OXR1: variants seen among roughly 807,000 people sequenced by gnomAD.
OXR1 encodes oxidation resistance 1.
OXR1 carries 41 observed loss-of-function variants against 104.6 expected under a neutral mutation model. The ratio of observed to expected loss-of-function variants is 0.39; its 90% CI spans 0.31 to 0.51. The LOEUF is 0.51. Ranked by LOEUF, OXR1 falls within the 20% of genes least tolerant of loss-of-function variation. OXR1 has a pLI of 0.77. For missense variants in OXR1, 955 were observed against 1,031.9 expected (o/e 0.93, Z 1.02); for synonymous variants, 348 against 348.4 (o/e 1.00, Z 0.01).
intron 2 of OXR1, among the ~76,000 whole-genome samples, chr8:106,402,519 G>A (rs776592560): frequency 5.3e-5 from 8 of 152,170 alleles, no homozygotes; most frequent in East Asian, 1.9e-4. Flanking sequence ...ACTGTGAGAC[G>A]TCTTTGAACT....
At chr8:106,612,289 T>C (rs1381380627) in intron 3 of OXR1, among the ~76,000 whole-genome samples, 1 of 152,162 alleles carries the variant, frequency 6.6e-6, no homozygotes, top group African/African-American at 2.4e-5. Context: ...TGAAATAGTA[T>C]ATATAAGGCA....
chr8:106,660,315 T>A lies in OXR1; in HGVS notation c.221-18895T>A, dbSNP rs539076482. Among the ~76,000 whole-genome samples, 5 of 152,348 alleles carry A rather than the reference T, an allele frequency of 3.3e-5. No individual in the cohort carries two copies. The East Asian group carries it at 7.7e-4, about 23-fold the overall frequency. On this transcript the variant is annotated intron_variant, in intron 3 of 16. Coordinates refer to ENST00000517566, the MANE Select transcript of OXR1 (RefSeq NM_001198533.2). Reference sequence around the variant, plus strand: ...CAGATGGATTTTGGCTCTAGGGTTGTTCTTTGTGTTTGTGTCCTTTAGAAT... The same window carrying A: ...CAGATGGATTTTGGCTCTAGGGTTGATCTTTGTGTTTGTGTCCTTTAGAAT...
intron 2 of OXR1, among the ~76,000 whole-genome samples, chr8:106,480,671 C>A (rs1822059730): frequency 1.3e-5 from 2 of 151,838 alleles, no homozygotes; most frequent in South Asian, 4.2e-4. Flanking sequence ...AAAATGTGCT[C>A]CAACAATGGG....
At chr8:106,270,496 C>T (rs926851526) in intron 1 of OXR1, 129 bp downstream of exon 1, 9 of 152,566 alleles carry the variant, frequency 5.9e-5, no homozygotes, top group East Asian at 5.8e-4. Flanking sequence ...CCTGGCGCCT[C>T]TCCGAGCCAC....
At chr8:106,646,318 G>A (rs955136993) in intron 3 of OXR1, among the ~76,000 whole-genome samples, 4 of 151,916 alleles carry the variant, frequency 2.6e-5, no homozygotes, top group African/African-American at 7.3e-5. Context: ...TGTTGGCCAG[G>A]CTGGTCTCAA....
At position 106,702,969 on chromosome 8, in the gene OXR1, G is replaced by A; in HGVS notation, c.739G>A (p.Asp247Asn). 1 of 1,613,522 alleles carries A rather than the reference G, an allele frequency of 6.2e-7. No individual in the cohort carries two copies. Among genetic ancestry groups the A allele is most frequent in the Non-Finnish European group, 8.5e-7 (1 of 1,179,594 alleles). ...TATAATGTTTGATCCACATAAAAAT[G>A]ACCCTTTGGTTCAAGAGAATGGCTG... Reference protein sequence around the residue: ...NNIMFDPHKNDPLVQENGCEE... With the variant: ...NNIMFDPHKNNPLVQENGCEE... Residue 247 changes from aspartate (D) to asparagine (N), a missense_variant, in exon 8 of 17, where the codon GAC (aspartate) becomes AAC (asparagine). Asp to Asn is a conservative substitution (Grantham distance 23, BLOSUM62 1). This residue lies in a region of OXR1 where 849 missense variants were observed against 852.9 expected (regional missense o/e 1.00). Transcript: ENST00000517566.
At chr8:106,425,597 C>G (rs922389320) in intron 2 of OXR1, among the ~76,000 whole-genome samples, 1 of 152,140 alleles carries the variant, frequency 6.6e-6, no homozygotes, top group African/African-American at 2.4e-5. Context: ...GACACACCAT[C>G]TGCAGTACCA....
At chr8:106,507,569 T>A (rs1376976005) in intron 2 of OXR1, among the ~76,000 whole-genome samples, 1 of 152,150 alleles carries the variant, frequency 6.6e-6, no homozygotes, top group Non-Finnish European at 1.5e-5. Flanking sequence ...AAGCAGTATT[T>A]TGGAGAGGGT....
At chr8:106,542,896 AATAG>A (rs770743001) in intron 3 of OXR1, among the ~76,000 whole-genome samples, 35 of 152,132 alleles carry the variant, frequency 2.3e-4, no homozygotes, top group Non-Finnish European at 4.6e-4. Flanking sequence ...GCTTTTCATA[AATAG>A]ATAGTTTGTG....
At position 106,519,039 on chromosome 8, in the gene OXR1, G is replaced by T; in HGVS notation, c.120G>T (p.Pro40=). Residue 40 remains proline (P), a synonymous_variant, in exon 3 of 17, where the codon CCG becomes CCT. Transcript: ENST00000517566. ...GKQTPQASKP[P]APKTPIIEEE... ...AAACACCACAAGCCAGTAAGCCCCC[G>T]GCACCCAAGACCCCCATCATTGAAG... 3.2e-6 allele frequency: 5 copies of T among 1,551,818 alleles called. No individual in the cohort carries two copies. Among genetic ancestry groups the T allele is most frequent in the Non-Finnish European group, 4.4e-6 (5 of 1,146,942 alleles).
intron 3 of OXR1, among the ~76,000 whole-genome samples, chr8:106,642,460 CTG>C (rs1332225840): frequency 6.6e-6 from 1 of 152,140 alleles, no homozygotes; most frequent in Non-Finnish European, 1.5e-5. Context: ...TCTCAAGGCT[CTG>C]TCATATTTAA....
chr8:106,403,290 C>T (rs967243117), intron 2 of OXR1, among the ~76,000 whole-genome samples: 5 of 152,228 alleles, frequency 3.3e-5, no homozygotes, highest in Admixed American at 6.5e-5. Flanking sequence ...CAAGACTCAG[C>T]GTATTCTGAT....
intron 2 of OXR1, among the ~76,000 whole-genome samples, chr8:106,368,156 G>A (rs948463639): frequency 1.3e-5 from 2 of 152,074 alleles, no homozygotes; most frequent in African/African-American, 4.8e-5. Flanking sequence ...GACATGATCT[G>A]ATTTCTAAAT....
chr8:106,438,428 A>G (rs770333233), intron 2 of OXR1, among the ~76,000 whole-genome samples: 87 of 152,156 alleles, frequency 5.7e-4, no homozygotes, highest in Non-Finnish European at 1.2e-3. Flanking sequence ...TATACTGACT[A>G]CATGTTGAAA....
At chr8:106,527,367 T>C (rs542912576) in intron 3 of OXR1, among the ~76,000 whole-genome samples, 2 of 152,292 alleles carry the variant, frequency 1.3e-5, no homozygotes, top group South Asian at 2.1e-4. Flanking sequence ...AGTCATCCCC[T>C]GTTTAAAACC....
At chr8:106,530,773 T>G (rs961718147) in intron 3 of OXR1, among the ~76,000 whole-genome samples, 5 of 152,142 alleles carry the variant, frequency 3.3e-5, no homozygotes, top group African/African-American at 1.2e-4. Context: ...ATTCACTAAC[T>G]GAAATTTTGT....
chr8:106,635,636 G>C (rs1255646837), intron 3 of OXR1, among the ~76,000 whole-genome samples: 1 of 152,020 alleles, frequency 6.6e-6, no homozygotes, highest in Non-Finnish European at 1.5e-5. Flanking sequence ...GTAGAGACAG[G>C]GTTTTGCCAT....
At chr8:106,726,491 A>G (rs1833358292) in intron 11 of OXR1, among the ~76,000 whole-genome samples, 1 of 152,146 alleles carries the variant, frequency 6.6e-6, no homozygotes, top group African/African-American at 2.4e-5. Flanking sequence ...CAAAAAGGGA[A>G]ATTAATAAGG....
At chr8:106,388,197 A>T (rs981436660) in intron 2 of OXR1, among the ~76,000 whole-genome samples, 2 of 152,222 alleles carry the variant, frequency 1.3e-5, no homozygotes, top group Non-Finnish European at 2.9e-5. Flanking sequence ...CTTTAAGAGG[A>T]TGAAGAGAAA....
Sources: gnomAD v4.1 joint callset for allele counts (sites outside exome capture counted in the v4.1 genomes callset) on GRCh38, gnomAD v4.1.1 for gene constraint, gnomAD v4.1.1 regional missense constraint, MANE v1.5 for transcripts, NCBI Gene and HGNC (gene_info 2026-07-23, HGNC 2026-07-21) for gene names.